The following LAT variants were observed in gnomAD, a reference collection of about 807,000 sequenced individuals.
LAT encodes the protein linker for activation of T-cells family member 1.
Under a neutral mutation model 39.1 loss-of-function variants are expected in LAT, and 12 were observed. That is an observed-to-expected ratio of 0.31 (90% CI 0.20 to 0.50). The LOEUF (loss-of-function observed/expected upper bound fraction) is 0.50, where lower values mean the gene tolerates loss of function less well. LAT is among the 20% of genes least tolerant of loss of function. The pLI, the probability that LAT is intolerant of heterozygous loss-of-function variation, is 0.98. For missense variants in LAT, 253 were observed against 308.0 expected (o/e 0.82, Z 1.34); for synonymous variants, 117 against 123.8 (o/e 0.95, Z 0.36).
chr16:28,985,622 C>G lies in LAT; in HGVS notation c.101-91C>G. On this transcript the variant is annotated intron_variant, in intron 1 of 11. Coordinates refer to ENST00000395456, the MANE Select transcript of LAT (RefSeq NM_001014987.2). The surrounding 1 kb of genome is among the most constrained non-coding windows in gnomAD (Gnocchi z 4.6). ...TCCTGGCTCTGTCCCTGCCTCCGTC[C>G]TGATCCCAGCGCCTCTGAGAGTCCC... 1 of 1,606,052 alleles carries G rather than the reference C, an allele frequency of 6.2e-7. No individual in the cohort carries two copies. Among genetic ancestry groups the G allele is most frequent in the East Asian group, 2.2e-5 (1 of 44,852 alleles).
rs148292832 is a variant in LAT, at chr16:28,987,008, G to A, written c.493+115G>A. 395 of 856,636 alleles carry A rather than the reference G, an allele frequency of 4.6e-4. 3 individuals are homozygous for A. In the African/African-American group the frequency reaches 6.2e-3, roughly 13 times the overall value. 53.1% of individuals were successfully genotyped at this position (856,636 alleles called of 1,614,324 possible). The stretch of plus-strand genomic sequence containing the variant: ...TCCTGGGCTCCAGTGATCCTCCCAA[G>A]TAGGCTACTCGGCCTCAGCCTCCCA... On this transcript the variant is annotated intron_variant, in intron 8 of 11. Coordinates refer to ENST00000395456, the MANE Select transcript of LAT (RefSeq NM_001014987.2).
At position 28,985,757 on chromosome 16, in the gene LAT, C is replaced by A. The variant is rs1004483202; in HGVS notation, c.128+17C>A. The stretch of plus-strand genomic sequence containing the variant: ...CTCAGATAGGTGAGTCCGCCCCAGC[C>A]GCCCTGGGTCTCCCTCCACACCCCA... On this transcript the variant is annotated intron_variant, in intron 2 of 11. Transcript: ENST00000395456. This position sits in a 1 kb window ranked among gnomAD's most constrained non-coding sequence, Gnocchi z 4.6. 1 of 1,614,102 alleles carries A rather than the reference C, an allele frequency of 6.2e-7. No individual in the cohort carries two copies. Among genetic ancestry groups the A allele is most frequent in the Admixed American group, 1.7e-5 (1 of 60,026 alleles).
chr16:28,985,684 TC>T lies in LAT; in HGVS notation c.101-27del, dbSNP rs1965730165. The T allele has an allele frequency of 6.2e-7, 1 of 1,613,522 alleles. No homozygotes were observed. The highest frequency in any genetic ancestry group is 8.5e-7 in the Non-Finnish European group (1 of 1,179,970). On this transcript the variant is annotated intron_variant, in intron 1 of 11. Coordinates refer to ENST00000395456, the MANE Select transcript of LAT (RefSeq NM_001014987.2). The surrounding 1 kb of genome is among the most constrained non-coding windows in gnomAD (Gnocchi z 4.6). ...ACCTTCTGCCCTAAGCACCCCCTGTTCCTGCCTCACCAGCCCTCTCTTTCCC... is the reference window on the plus strand; with the variant it reads ...ACCTTCTGCCCTAAGCACCCCCTGTTCTGCCTCACCAGCCCTCTCTTTCCC...
chr16:28,986,331 G>T lies in LAT; in HGVS notation c.246-51G>T, dbSNP rs561446498. 3 of 1,602,948 alleles carry T rather than the reference G, an allele frequency of 1.9e-6. No homozygotes were observed. The highest frequency in any genetic ancestry group is 1.7e-6 in the Non-Finnish European group (2 of 1,171,874). ...GGCCCCTTTCCCTTTTGCAACTGCT[G>T]TTGCCCCCTGAGCCCCACCTCAGGC... On this transcript the variant is annotated intron_variant, in intron 4 of 11. Transcript: ENST00000395456. The surrounding 1 kb of genome is among the most constrained non-coding windows in gnomAD (Gnocchi z 5.7).
At position 28,990,313 on chromosome 16, in the gene LAT, C is replaced by A; in HGVS notation, c.*132C>A. 1.6e-6 allele frequency: 1 copy of A among 622,654 alleles called. No homozygotes were observed. Among genetic ancestry groups the A allele is most frequent in the Non-Finnish European group, 3.0e-6 (1 of 334,860 alleles). 38.6% of individuals were successfully genotyped at this position (622,654 alleles called of 1,614,324 possible). On this transcript the variant is annotated 3_prime_UTR_variant, in exon 12 of 12. Transcript: ENST00000395456. The stretch of plus-strand genomic sequence containing the variant: ...CCAGCCTGACAACAGCCTGAGAAAT[C>A]CCCCCGTAACTTATTATCACTTTGG...
At chr16:28,990,102 C>G in intron 11 of LAT, 83 bp downstream of exon 11, 3 of 1,163,654 alleles carry the variant, frequency 2.6e-6, no homozygotes, top group Non-Finnish European at 3.7e-6. Context: ...CCCAACCCTA[C>G]CTCTGGCTTG....
Position 28,985,644 on chromosome 16 carries a change from T to C in LAT, c.101-69T>C. 1.9e-6 allele frequency: 3 copies of C among 1,605,218 alleles called. No homozygotes were observed. The highest frequency in any genetic ancestry group is 2.2e-5 in the South Asian group (2 of 90,872). On this transcript the variant is annotated intron_variant, in intron 1 of 11. Transcript: ENST00000395456. The surrounding 1 kb of genome is among the most constrained non-coding windows in gnomAD (Gnocchi z 4.6). Reference sequence around the variant, plus strand: ...GTCCTGATCCCAGCGCCTCTGAGAGTCCCTGGATCCCAGCACCTTCTGCCC... The same window carrying C: ...GTCCTGATCCCAGCGCCTCTGAGAGCCCCTGGATCCCAGCACCTTCTGCCC...
chr16:28,986,494 G>T lies in LAT; in HGVS notation c.311-46G>T. 2 of 1,612,730 alleles carry T rather than the reference G, an allele frequency of 1.2e-6. No individual in the cohort carries two copies. Among genetic ancestry groups the T allele is most frequent in the South Asian group, 1.1e-5 (1 of 91,022 alleles). ...GCGGCGGGGGCTGGGAAGAAGATAG[G>T]CCTGGCCTGAGCTGACTTAGTCTCC... On this transcript the variant is annotated intron_variant, in intron 5 of 11. Transcript: ENST00000395456. This position sits in a 1 kb window ranked among gnomAD's most constrained non-coding sequence, Gnocchi z 5.7.
Position 28,986,167 on chromosome 16 carries a change from C to A in LAT, c.196C>A (p.Pro66Thr). ...TGCCCCCTGGCCACCTGCCTACCCA[C>A]CTGTCACCTCCTACCCACCCCTGAG... ...TVAPWPPAYP[P>T]VTSYPPLSQP... The change falls in exon 4 of 12, where the codon CCT (proline) becomes ACT (threonine). Residue 66 changes from proline to threonine, a missense_variant. Physicochemically the swap from Pro to Thr is conservative, Grantham distance 38. Transcript: ENST00000395456. This position sits in a 1 kb window ranked among gnomAD's most constrained non-coding sequence, Gnocchi z 5.7. 6.2e-7 allele frequency: 1 copy of A among 1,604,614 alleles called. No homozygotes were observed. Among genetic ancestry groups the A allele is most frequent in the Non-Finnish European group, 8.5e-7 (1 of 1,175,080 alleles).
upstream of LAT, chr16:28,984,840 G>A (rs917589097): frequency 3.9e-6 from 6 of 1,549,576 alleles, no homozygotes; most frequent in South Asian, 2.4e-5. Flanking sequence ...CTCCCTGCTC[G>A]CTGCCTCCCC....
In LAT at chr16:28,990,314, C is replaced by G; in HGVS notation, c.*133C>G. The G allele has an allele frequency of 1.6e-6, 1 of 622,904 alleles. No homozygotes were observed. The highest frequency in any genetic ancestry group is 2.1e-5 in the Admixed American group (1 of 46,542). 38.6% of individuals were successfully genotyped at this position (622,904 alleles called of 1,614,324 possible). A position where few individuals can be genotyped will look rare whatever the true frequency, so the allele number is the denominator to read the frequency against. On this transcript the variant is annotated 3_prime_UTR_variant, in exon 12 of 12. Transcript: ENST00000395456. ...CAGCCTGACAACAGCCTGAGAAATC[C>G]CCCCGTAACTTATTATCACTTTGGG...
chr16:28,985,946 G>A lies in LAT; in HGVS notation c.163+58G>A. On this transcript the variant is annotated intron_variant, in intron 3 of 11. Coordinates refer to ENST00000395456, the MANE Select transcript of LAT (RefSeq NM_001014987.2). The surrounding 1 kb of genome is among the most constrained non-coding windows in gnomAD (Gnocchi z 4.6). Reference sequence around the variant, plus strand: ...CCAGGGAGAGGGTCCCCTGGTGTGGGAGTGAGCGTGAACCTTCAGACTTCC... The same window carrying A: ...CCAGGGAGAGGGTCCCCTGGTGTGGAAGTGAGCGTGAACCTTCAGACTTCC... 1 of 1,584,066 alleles carries A rather than the reference G, an allele frequency of 6.3e-7. No homozygotes were observed. Among genetic ancestry groups the A allele is most frequent in the Non-Finnish European group, 8.7e-7 (1 of 1,152,612 alleles).
chr16:28,985,795 G>T lies in LAT; in HGVS notation c.128+55G>T, dbSNP rs962474448. The T allele has an allele frequency of 3.7e-6, 6 of 1,613,758 alleles. No homozygotes were observed. In the African/African-American group the frequency reaches 6.7e-5, roughly 18 times the overall value. Reference sequence around the variant, plus strand: ...CCTCCACACCCCATGGCGGGGCAGGGCTGGGGCTTCCATCCTCCATCTTCC... The same window carrying T: ...CCTCCACACCCCATGGCGGGGCAGGTCTGGGGCTTCCATCCTCCATCTTCC... On this transcript the variant is annotated intron_variant, in intron 2 of 11. Coordinates refer to ENST00000395456, the MANE Select transcript of LAT (RefSeq NM_001014987.2). The surrounding 1 kb of genome is among the most constrained non-coding windows in gnomAD (Gnocchi z 4.6).
upstream of LAT, chr16:28,984,909 G>A (rs1159104642): frequency 6.5e-7 from 1 of 1,547,450 alleles, no homozygotes; most frequent in Admixed American, 2.0e-5. Context: ...CCGTCTTGGG[G>A]GGGGCCAGCA....
Position 28,986,560 on chromosome 16 carries a change from G to C in LAT, c.331G>C (p.Glu111Gln). Residue 111 changes from glutamate to glutamine, a missense_variant, in exon 6 of 12, where the codon GAG becomes CAG. By Grantham distance (29) the Glu-to-Gln change is conservative. Transcript: ENST00000395456. This position sits in a 1 kb window ranked among gnomAD's most constrained non-coding sequence, Gnocchi z 5.7. Reference sequence around the variant, plus strand: ...TGAAGCCAACAGTGTGGCGAGCTACGAGAACGAGGGTGCGTCTGGGATCCG... The same window carrying C: ...TGAAGCCAACAGTGTGGCGAGCTACCAGAACGAGGGTGCGTCTGGGATCCG... ...SDGANSVASYENEEPACEDAD... is the reference protein window; with the variant it reads ...SDGANSVASYQNEEPACEDAD... The C allele has an allele frequency of 6.2e-7, 1 of 1,612,758 alleles. No individual in the cohort carries two copies. The highest frequency in any genetic ancestry group is 8.5e-7 in the Non-Finnish European group (1 of 1,179,086).
chr16:28,989,448 C>CTGA, intron 8 of LAT, 79 bp from the exon 9 acceptor site: 1 of 1,326,558 alleles, frequency 7.5e-7, no homozygotes, highest in Admixed American at 2.0e-5. Flanking sequence ...CTCTGCATGG[C>CTGA]TGAGGTTGGG....
At position 28,985,904 on chromosome 16, in the gene LAT, G is replaced by T; in HGVS notation, c.163+16G>T. 6.2e-7 allele frequency: 1 copy of T among 1,613,884 alleles called. No homozygotes were observed. ...AAACGGCCTCGTGAGTACAAGGAGGGTCCCCTACCTTGGGTGCCAGGGAGA... is the reference window on the plus strand; with the variant it reads ...AAACGGCCTCGTGAGTACAAGGAGGTTCCCCTACCTTGGGTGCCAGGGAGA... On this transcript the variant is annotated intron_variant, in intron 3 of 11. Coordinates refer to ENST00000395456, the MANE Select transcript of LAT (RefSeq NM_001014987.2). This position sits in a 1 kb window ranked among gnomAD's most constrained non-coding sequence, Gnocchi z 4.6.
Position 28,985,306 on chromosome 16 carries a change from A to ACCTGCCC in LAT, c.-106_-100dup. On this transcript the variant is annotated 5_prime_UTR_variant, in exon 1 of 12. Coordinates refer to ENST00000395456, the MANE Select transcript of LAT (RefSeq NM_001014987.2). The surrounding 1 kb of genome is among the most constrained non-coding windows in gnomAD (Gnocchi z 4.6). Reference sequence around the variant, plus strand: ...CGGGCTCCCCTGCCACCTGGTGCCTACCTGCCCCCTGCTCCCTGCCGGGTC... The same window carrying ACCTGCCC: ...CGGGCTCCCCTGCCACCTGGTGCCTACCTGCCCCCTGCCCCCTGCTCCCTGCCGGGTC... The ACCTGCCC allele has an allele frequency of 6.6e-7, 1 of 1,516,750 alleles. No individual in the cohort carries two copies. The highest frequency in any genetic ancestry group is 8.8e-7 in the Non-Finnish European group (1 of 1,131,314). The allele number at this position is 1,516,750 out of a possible 1,614,324, so 94.0% of individuals were successfully genotyped here.
In LAT at chr16:28,985,807, A is replaced by C. The variant is rs201900870; in HGVS notation, c.129-47A>C. ...ATGGCGGGGCAGGGCTGGGGCTTCC[A>C]TCCTCCATCTTCCAGCCCCATCCCC... On this transcript the variant is annotated intron_variant, in intron 2 of 11. Transcript: ENST00000395456. The surrounding 1 kb of genome is among the most constrained non-coding windows in gnomAD (Gnocchi z 4.6). The C allele has an allele frequency of 6.2e-7, 1 of 1,613,776 alleles. No individual in the cohort carries two copies. Among genetic ancestry groups the C allele is most frequent in the Non-Finnish European group, 8.5e-7 (1 of 1,179,822 alleles).
Sources: gnomAD v4.1 joint callset for allele counts on GRCh38, gnomAD v4.1.1 for gene constraint, Gnocchi (gnomAD v3.1) non-coding constraint, MANE v1.5 for transcripts, NCBI Gene and HGNC (gene_info 2026-07-23, HGNC 2026-07-21) for gene names.